The following KCNMB2 variants were observed in gnomAD, a reference collection of about 807,000 sequenced individuals.
The protein encoded by KCNMB2 is potassium calcium-activated channel subfamily M regulatory beta subunit 2.
A neutral mutation model predicts 24.5 loss-of-function variants in KCNMB2; 9 were observed. The ratio of observed to expected loss-of-function variants is 0.37; its 90% CI spans 0.22 to 0.64. The LOEUF is 0.64. Ranked by LOEUF, KCNMB2 falls within the 30% of genes least tolerant of loss-of-function variation. The pLI, the probability that KCNMB2 is intolerant of heterozygous loss-of-function variation, is 0.63. For synonymous variants in KCNMB2, 109 were observed against 104.4 expected, an observed-to-expected ratio of 1.04 and a Z score of -0.27; for missense variants, 226 against 284.3, an observed-to-expected ratio of 0.79 and a Z score of 1.47.
At chr3:178,635,991 G>C (rs1447098475) in intron 1 of KCNMB2, among the ~76,000 whole-genome samples, 1 of 152,156 alleles carries the variant, frequency 6.6e-6, no homozygotes, top group Admixed American at 6.5e-5. Flanking sequence ...TATTTCACCT[G>C]TGCACTTCAT....
At chr3:178,572,926 T>C (rs1029115072) in intron 1 of KCNMB2, among the ~76,000 whole-genome samples, 6 of 152,248 alleles carry the variant, frequency 3.9e-5, no homozygotes, top group African/African-American at 1.4e-4. Flanking sequence ...GTAGGTTTTT[T>C]CATTTATTTA....
In KCNMB2 at chr3:178,692,934, T is replaced by C. The variant is rs564926062; in HGVS notation, c.-67-114409T>C. Among the ~76,000 whole-genome samples the C allele has an allele frequency of 2.0e-4, 31 of 152,296 alleles. 1 individual carries two copies. The South Asian group carries it at 6.0e-3, about 29-fold the overall frequency. On this transcript the variant is annotated intron_variant, in intron 1 of 4. Transcript: ENST00000452583. The stretch of plus-strand genomic sequence containing the variant: ...TCATCTCTGATTTATTTGAGCCATG[T>C]TTTGCAGTTCTCCTAATAGAGATCT...
At chr3:178,543,922 C>T (rs189773569) in intron 1 of KCNMB2, among the ~76,000 whole-genome samples, 1 of 152,174 alleles carries the variant, frequency 6.6e-6, no homozygotes, top group Non-Finnish European at 1.5e-5. Context: ...ATAATTCTAC[C>T]ACGGTCCTTA....
At chr3:178,587,018 A>AT (rs1455560303) in intron 1 of KCNMB2, among the ~76,000 whole-genome samples, 1 of 151,998 alleles carries the variant, frequency 6.6e-6, no homozygotes, top group African/African-American at 2.4e-5. Context: ...ATATACTTTT[A>AT]TTTTTCTCCA....
chr3:178,632,510 T>C (rs1719356996), intron 1 of KCNMB2, among the ~76,000 whole-genome samples: 1 of 152,086 alleles, frequency 6.6e-6, no homozygotes, highest in Non-Finnish European at 1.5e-5. Context: ...AAAGGGGAAA[T>C]GCCACTTATA....
chr3:178,692,065 C>A (rs1463066294), intron 1 of KCNMB2, among the ~76,000 whole-genome samples: 1 of 151,986 alleles, frequency 6.6e-6, no homozygotes, highest in Admixed American at 6.6e-5. Context: ...TGAAAACTGT[C>A]TATGTCTGCC....
intron 1 of KCNMB2, among the ~76,000 whole-genome samples, chr3:178,760,058 ATC>A (rs1371227227): frequency 2.1e-5 from 1 of 46,588 alleles, no homozygotes; most frequent in Non-Finnish European, 3.6e-5. Flanking sequence ...AAGAGGATAT[ATC>A]TATATATATA....
chr3:178,701,785 T>A (rs1002676087), intron 1 of KCNMB2, among the ~76,000 whole-genome samples: 1 of 152,124 alleles, frequency 6.6e-6, no homozygotes, highest in Non-Finnish European at 1.5e-5. Context: ...CTGGAGAGGA[T>A]GTGGAGAAAT....
chr3:178,580,182 G>T (rs1717146822), intron 1 of KCNMB2, among the ~76,000 whole-genome samples: 1 of 152,136 alleles, frequency 6.6e-6, no homozygotes, highest in African/African-American at 2.4e-5. Context: ...CCACAATCCA[G>T]TTGGCTTCAT....
intron 4 of KCNMB2, among the ~76,000 whole-genome samples, chr3:178,830,086 C>T (rs527521860): frequency 2.2e-4 from 34 of 152,298 alleles, no homozygotes; most frequent in Non-Finnish European, 3.5e-4. Flanking sequence ...AGACAACTAT[C>T]CTGACTGTTT....
At chr3:178,682,279 A>C (rs769839031) in intron 1 of KCNMB2, among the ~76,000 whole-genome samples, 10 of 152,246 alleles carry the variant, frequency 6.6e-5, no homozygotes, top group Non-Finnish European at 1.3e-4. Flanking sequence ...GGAGATAAAG[A>C]GAGATAGTGG....
chr3:178,601,026 G>T (rs1718063688), intron 1 of KCNMB2, among the ~76,000 whole-genome samples: 1 of 152,132 alleles, frequency 6.6e-6, no homozygotes, highest in Admixed American at 6.5e-5. Flanking sequence ...ATAAAAGGAT[G>T]AGTTCATGTC....
intron 1 of KCNMB2, among the ~76,000 whole-genome samples, chr3:178,620,560 A>G (rs1346503231): frequency 2.0e-5 from 3 of 152,208 alleles, no homozygotes; most frequent in South Asian, 2.1e-4. Context: ...GTGCTCTTGC[A>G]TGATGAAAAG....
chr3:178,576,406 G>A (rs925787105), intron 1 of KCNMB2, among the ~76,000 whole-genome samples: 1 of 152,110 alleles, frequency 6.6e-6, no homozygotes, highest in Non-Finnish European at 1.5e-5. Context: ...CAAGCAGAAA[G>A]CTGGGCAGAC....
intron 2 of KCNMB2, among the ~76,000 whole-genome samples, chr3:178,818,914 T>C (rs1288323406): frequency 2.6e-5 from 3 of 115,964 alleles, no homozygotes; most frequent in African/African-American, 4.6e-5. Context: ...TATTCTCTTA[T>C]ATTCTGCCTG....
intron 1 of KCNMB2, among the ~76,000 whole-genome samples, chr3:178,738,562 C>T (rs1037830630): frequency 3.3e-5 from 5 of 152,156 alleles, no homozygotes; most frequent in Admixed American, 6.5e-5. Context: ...TCCCATAAGC[C>T]AAACTTCCTT....
intron 1 of KCNMB2, among the ~76,000 whole-genome samples, chr3:178,781,743 T>C (rs1416625832): frequency 6.6e-6 from 1 of 151,866 alleles, no homozygotes; most frequent in Non-Finnish European, 1.5e-5. Flanking sequence ...ATCATTTCTT[T>C]CATGGAGCCT....
chr3:178,795,808 AAATAT>A (rs1387956506), intron 1 of KCNMB2, among the ~76,000 whole-genome samples: 2 of 152,350 alleles, frequency 1.3e-5, no homozygotes, highest in East Asian at 1.9e-4. Context: ...AAACAATATA[AAATAT>A]AATATACTAA....
intron 1 of KCNMB2, among the ~76,000 whole-genome samples, chr3:178,627,291 A>G (rs1436936244): frequency 1.3e-5 from 2 of 152,136 alleles, no homozygotes; most frequent in East Asian, 1.9e-4. Context: ...AAATACTAAG[A>G]CTAATTTATA....
Sources: allele counts gnomAD v4.1 joint callset (sites outside exome capture counted in the v4.1 genomes callset), GRCh38; gene constraint gnomAD v4.1.1; transcripts MANE v1.5; gene names NCBI Gene and HGNC (gene_info 2026-07-23, HGNC 2026-07-21).